RUSC2: variants seen among roughly 807,000 people sequenced by gnomAD.
RUSC2 encodes RUN and SH3 domain containing 2, also known as AP-4 complex accessory subunit RUSC2.
Under a neutral mutation model 122.2 loss-of-function variants are expected in RUSC2, and 34 were observed. The observed-to-expected ratio is 0.28, with a 90% CI of 0.21 to 0.37. The LOEUF is 0.37. Ranked by LOEUF, RUSC2 falls within the 10% of genes least tolerant of loss-of-function variation. The pLI is 1.00. For synonymous variants in RUSC2, 784 were observed against 790.0 expected, an observed-to-expected ratio of 0.99 and a Z score of 0.13; for missense variants, 1,747 against 1,952.4, an observed-to-expected ratio of 0.89 and a Z score of 1.98.
chr9:35,536,808 C>CAAAAAAAA (rs67604535), intron 1 of RUSC2, among the ~76,000 whole-genome samples: 37 of 69,592 alleles, frequency 5.3e-4, no homozygotes, highest in Non-Finnish European at 7.6e-4. Flanking sequence ...GAGTGAAACT[C>CAAAAAAAA]AAAAAAAAAA....
chr9:35,555,622 C>G lies in RUSC2; in HGVS notation c.2577C>G (p.Ser859=). ...HGTGSLPPLG[S]WRSGLSRAES... is the part of the protein sequence containing the mutation. The stretch of plus-strand genomic sequence containing the variant: ...CAGGAAGCTTGCCGCCTCTGGGCTC[C>G]TGGCGATCTGGCCTCAGCCGAGCAG... The change falls in exon 3 of 12, where the codon TCC becomes TCG. Residue 859 remains serine (S), a synonymous_variant. Transcript: ENST00000361226. This position sits in a 1 kb window ranked among gnomAD's most constrained non-coding sequence, Gnocchi z 4.6. 1 of 1,612,526 alleles carries G rather than the reference C, an allele frequency of 6.2e-7. No individual in the cohort carries two copies. The highest frequency in any genetic ancestry group is 8.5e-7 in the Non-Finnish European group (1 of 1,180,004).
At chr9:35,554,939 C>A in intron 2 of RUSC2, 121 bp from the exon 3 acceptor site, 1 of 1,117,160 alleles carries the variant, frequency 9.0e-7, no homozygotes, top group Admixed American at 2.1e-5. Context: ...ACTTCTACCC[C>A]ATTCAATTCC....
chr9:35,536,885 G>C (rs1821540814), intron 1 of RUSC2, among the ~76,000 whole-genome samples: 3 of 149,016 alleles, frequency 2.0e-5, no homozygotes, highest in Non-Finnish European at 4.5e-5. Context: ...GGCTCAACTT[G>C]ATTCTCTGGG....
At chr9:35,498,688 G>C (rs1336551073) in intron 1 of RUSC2, among the ~76,000 whole-genome samples, 1 of 150,968 alleles carries the variant, frequency 6.6e-6, no homozygotes, top group Non-Finnish European at 1.5e-5. Context: ...GAAACCCCAT[G>C]TCTACTAAAA....
At chr9:35,552,362 G>GA (rs1395368803) in intron 2 of RUSC2, among the ~76,000 whole-genome samples, 4 of 152,026 alleles carry the variant, frequency 2.6e-5, no homozygotes, top group Admixed American at 6.6e-5. Context: ...CTCTGTCTCA[G>GA]AAAAAAGTAA....
chr9:35,552,275 C>T (rs969983874), intron 2 of RUSC2, among the ~76,000 whole-genome samples: 13 of 152,174 alleles, frequency 8.5e-5, no homozygotes, highest in African/African-American at 3.1e-4. Flanking sequence ...GCACAATAAT[C>T]GCTTGAACCT....
chr9:35,544,964 G>T (rs560485887), intron 1 of RUSC2, among the ~76,000 whole-genome samples: 40 of 152,298 alleles, frequency 2.6e-4, no homozygotes, highest in African/African-American at 8.7e-4. Flanking sequence ...AGGCTTGGAA[G>T]TTCAACAGAG....
chr9:35,561,661 A>G lies in RUSC2; in HGVS notation c.*279A>G. On this transcript the variant is annotated 3_prime_UTR_variant, in exon 12 of 12. Coordinates refer to ENST00000361226, the MANE Select transcript of RUSC2 (RefSeq NM_014806.5). ...GGCCAACCCTTCCATGGGTGAAGAC[A>G]AGCAAGTCCCCCTGGAGGCGGGTGG... The G allele has an allele frequency of 1.8e-6, 1 of 542,750 alleles. No homozygotes were observed. The highest frequency in any genetic ancestry group is 3.2e-6 in the Non-Finnish European group (1 of 308,802). 33.6% of individuals were successfully genotyped at this position (542,750 alleles called of 1,614,324 possible). A position where few individuals can be genotyped will look rare whatever the true frequency, so the allele number is the denominator to read the frequency against.
At chr9:35,543,371 A>G (rs886140863) in intron 1 of RUSC2, among the ~76,000 whole-genome samples, 2 of 152,188 alleles carry the variant, frequency 1.3e-5, no homozygotes, top group African/African-American at 4.8e-5. Flanking sequence ...GCAGTGAGCC[A>G]TGATCGCACC....
intron 2 of RUSC2, among the ~76,000 whole-genome samples, chr9:35,553,843 T>A (rs1821950724): frequency 6.6e-6 from 1 of 152,134 alleles, no homozygotes; most frequent in African/African-American, 2.4e-5. Flanking sequence ...CCCCATCCCC[T>A]CTGACTCTTT....
chr9:35,554,409 G>A lies in RUSC2; in HGVS notation c.2015-651G>A, dbSNP rs368097048. ...GATACAGATAACAGGTAGGCTGCAAGTAAAGAAATATCTTACTATGGTTCG... is the reference window on the plus strand; with the variant it reads ...GATACAGATAACAGGTAGGCTGCAAATAAAGAAATATCTTACTATGGTTCG... On this transcript the variant is annotated intron_variant, in intron 2 of 11. Coordinates refer to ENST00000361226, the MANE Select transcript of RUSC2 (RefSeq NM_014806.5). Among the ~76,000 whole-genome samples, 43 of 152,350 alleles carry A rather than the reference G, an allele frequency of 2.8e-4. No individual in the cohort carries two copies. The South Asian group carries it at 7.9e-3, about 28-fold the overall frequency.
At chr9:35,536,041 A>G (rs1272234576) in intron 1 of RUSC2, among the ~76,000 whole-genome samples, 1 of 152,252 alleles carries the variant, frequency 6.6e-6, no homozygotes, top group African/African-American at 2.4e-5. Flanking sequence ...GCAGATATGC[A>G]AAAAAGAACA....
chr9:35,549,212 C>T, intron 2 of RUSC2: 1 of 985,142 alleles, frequency 1.0e-6, no homozygotes, highest in Non-Finnish European at 1.2e-6. Context: ...AGGTTCAGAC[C>T]TTTAGGAGTT....
chr9:35,523,320 G>A (rs1821250545), intron 1 of RUSC2, among the ~76,000 whole-genome samples: 1 of 152,176 alleles, frequency 6.6e-6, no homozygotes, highest in Non-Finnish European at 1.5e-5. Flanking sequence ...TCAGTTAATT[G>A]TAATGTACTC....
rs112120200 is a variant in RUSC2, at chr9:35,512,669, T to A, written c.-93+22497T>A. Among the ~76,000 whole-genome samples, 487 of 152,284 alleles carry A rather than the reference T, an allele frequency of 3.2e-3. 4 individuals are homozygous for A. Among genetic ancestry groups the A allele is most frequent in the African/African-American group, 0.011 (453 of 41,558 alleles). ...AAAGAAGATGTGTATGCATTTTTTTTAAATAAAAATGGGATCATACCATGA... is the reference window on the plus strand; with the variant it reads ...AAAGAAGATGTGTATGCATTTTTTTAAAATAAAAATGGGATCATACCATGA... On this transcript the variant is annotated intron_variant, in intron 1 of 11. Transcript: ENST00000361226.
intron 1 of RUSC2, among the ~76,000 whole-genome samples, chr9:35,525,213 G>T (rs74475063): frequency 0.031 from 4,705 of 152,246 alleles, 194 homozygotes; most frequent in African/African-American, 0.096. Context: ...GGATAAATAA[G>T]TCTGGCTGTT....
chr9:35,547,470 C>A lies in RUSC2; in HGVS notation c.949C>A (p.Pro317Thr). ...SDSSFCSHSD[P>T]GAFYLDLQPS... The stretch of plus-strand genomic sequence containing the variant: ...CTCTTCCTTCTGCAGCCACTCAGAC[C>A]CTGGCGCCTTCTATCTGGATCTGCA... Residue 317 changes from proline to threonine, a missense_variant, in exon 2 of 12, where the codon CCT becomes ACT. Pro to Thr is a conservative substitution (Grantham distance 38). Transcript: ENST00000361226. This position sits in a 1 kb window ranked among gnomAD's most constrained non-coding sequence, Gnocchi z 4.6. 1 of 1,614,220 alleles carries A rather than the reference C, an allele frequency of 6.2e-7. No individual in the cohort carries two copies. The highest frequency in any genetic ancestry group is 1.3e-5 in the African/African-American group (1 of 75,050).
At chr9:35,539,918 G>A (rs1821609370) in intron 1 of RUSC2, among the ~76,000 whole-genome samples, 2 of 152,178 alleles carry the variant, frequency 1.3e-5, no homozygotes, top group Non-Finnish European at 2.9e-5. Context: ...GATTGCTAGA[G>A]AAGAGCAATT....
intron 1 of RUSC2, among the ~76,000 whole-genome samples, chr9:35,490,856 C>T (rs1011820875): frequency 6.6e-6 from 1 of 152,186 alleles, no homozygotes; most frequent in African/African-American, 2.4e-5. Context: ...GCCGGCCCTG[C>T]GGACACGGGG....
Sources: gnomAD v4.1 joint callset for allele counts (sites outside exome capture counted in the v4.1 genomes callset) on GRCh38, gnomAD v4.1.1 for gene constraint, Gnocchi (gnomAD v3.1) non-coding constraint, MANE v1.5 for transcripts, NCBI Gene and HGNC (gene_info 2026-07-23, HGNC 2026-07-21) for gene names.